The following SPOCK3 variants were observed in gnomAD, a reference collection of about 807,000 sequenced individuals.
SPOCK3 encodes SPARC (osteonectin), cwcv and kazal like domains proteoglycan 3.
SPOCK3 carries 30 observed loss-of-function variants against 56.6 expected under a neutral mutation model. The observed-to-expected ratio is 0.53, with a 90% CI of 0.40 to 0.72. The LOEUF is 0.72. Ranked by LOEUF, SPOCK3 falls within the 30% of genes least tolerant of loss-of-function variation. The pLI is 0.00. For synonymous variants in SPOCK3, 196 were observed against 183.3 expected (o/e 1.07, Z -0.56); for missense variants, 527 against 530.0 (o/e 0.99, Z 0.06).
At chr4:166,773,105 T>G (rs1739143105) in intron 7 of SPOCK3, among the ~76,000 whole-genome samples, 1 of 152,216 alleles carries the variant, frequency 6.6e-6, no homozygotes, top group Admixed American at 6.6e-5. Context: ...TCTTAAGGTT[T>G]CTGGCATTCC....
At chr4:167,064,582 A>G (rs1010738989) in intron 2 of SPOCK3, among the ~76,000 whole-genome samples, 1 of 151,738 alleles carries the variant, frequency 6.6e-6, no homozygotes, top group Non-Finnish European at 1.5e-5. Context: ...ATTCATTCCA[A>G]GCATGGGGAG....
intron 6 of SPOCK3, among the ~76,000 whole-genome samples, chr4:166,878,898 T>C (rs985402610): frequency 6.6e-6 from 1 of 152,182 alleles, no homozygotes; most frequent in African/African-American, 2.4e-5. Flanking sequence ...ATCCACATCC[T>C]AGGGCTTTGT....
chr4:167,199,694 A>AAT (rs575690834), intron 2 of SPOCK3, among the ~76,000 whole-genome samples: 9 of 141,636 alleles, frequency 6.4e-5, no homozygotes, highest in African/African-American at 2.1e-4. Flanking sequence ...TGTGTGAAAT[A>AAT]AATAATAATA....
intron 2 of SPOCK3, among the ~76,000 whole-genome samples, chr4:167,171,913 C>G (rs1730535199): frequency 6.6e-6 from 1 of 150,682 alleles, no homozygotes; most frequent in African/African-American, 2.4e-5. Context: ...ACCCCCCACT[C>G]CCCCCATAAT....
rs1448439615 is a variant in SPOCK3, at chr4:166,912,732, GCTT to G, written c.359_361del (p.Glu120del). Reference sequence around the variant, plus strand: ...CCTCCACTGCCTATGGTCTACTCCTGCTTCTTTCATCCTGTTAAAAAAATAAAG... The same window carrying G: ...CCTCCACTGCCTATGGTCTACTCCTGCTTTCATCCTGTTAAAAAAATAAAG... On this transcript the variant is annotated inframe_deletion, in exon 5 of 11. Coordinates refer to ENST00000357545, the MANE Select transcript of SPOCK3 (RefSeq NM_001040159.2). 1.3e-6 allele frequency: 2 copies of G among 1,599,638 alleles called. No individual in the cohort carries two copies. Among genetic ancestry groups the G allele is most frequent in the Non-Finnish European group, 1.7e-6 (2 of 1,175,304 alleles).
intron 6 of SPOCK3, among the ~76,000 whole-genome samples, chr4:166,885,945 G>A (rs540397740): frequency 1.2e-3 from 187 of 152,240 alleles, no homozygotes; most frequent in African/African-American, 4.4e-3. Flanking sequence ...AAAGTTTACT[G>A]TGCTTATGTA....
At chr4:167,180,648 G>T (rs928818872) in intron 2 of SPOCK3, among the ~76,000 whole-genome samples, 1 of 152,118 alleles carries the variant, frequency 6.6e-6, no homozygotes, top group Non-Finnish European at 1.5e-5. Context: ...TCAATAACCT[G>T]GTTGGTGGTT....
intron 6 of SPOCK3, among the ~76,000 whole-genome samples, chr4:166,864,033 A>G (rs950111244): frequency 3.3e-5 from 5 of 152,184 alleles, no homozygotes; most frequent in Admixed American, 6.6e-5. Context: ...ACACAATTGG[A>G]AGTAAAACAC....
intron 8 of SPOCK3, among the ~76,000 whole-genome samples, chr4:166,746,919 C>T (rs1290065048): frequency 2.0e-5 from 3 of 152,084 alleles, no homozygotes; most frequent in Non-Finnish European, 4.4e-5. Flanking sequence ...ATACACCCTC[C>T]CAAGACTAAA....
intron 3 of SPOCK3, among the ~76,000 whole-genome samples, chr4:167,042,218 T>C (rs1753290343): frequency 6.6e-6 from 1 of 152,172 alleles, no homozygotes; most frequent in Non-Finnish European, 1.5e-5. Flanking sequence ...GGCCTCCTTA[T>C]CTATGAGTTT....
intron 2 of SPOCK3, among the ~76,000 whole-genome samples, chr4:167,163,166 A>ATT (rs560014140): frequency 0.022 from 2,823 of 127,840 alleles, 77 homozygotes; most frequent in African/African-American, 0.07. Flanking sequence ...TTGTTGGGGG[A>ATT]TTTTTTTTTT....
At chr4:167,078,369 T>TGTGTGTGTG (rs1580222176) in intron 2 of SPOCK3, among the ~76,000 whole-genome samples, 7 of 101,956 alleles carry the variant, frequency 6.9e-5, no homozygotes, top group South Asian at 6.3e-4. Context: ...TGTGTGTGTG[T>TGTGTGTGTG]TTGCAGAGGG....
At chr4:167,214,493 C>G (rs939430945) in intron 2 of SPOCK3, among the ~76,000 whole-genome samples, 4 of 152,058 alleles carry the variant, frequency 2.6e-5, no homozygotes, top group Admixed American at 6.6e-5. Flanking sequence ...ATGACTACAA[C>G]TTCACATTAC....
At chr4:167,030,368 G>A (rs750922801) in intron 3 of SPOCK3, among the ~76,000 whole-genome samples, 2 of 151,852 alleles carry the variant, frequency 1.3e-5, no homozygotes, top group Non-Finnish European at 2.9e-5. Flanking sequence ...ACCATATTTT[G>A]TTCAATTGCT....
intron 7 of SPOCK3, among the ~76,000 whole-genome samples, chr4:166,767,616 G>A (rs1738280098): frequency 6.6e-6 from 1 of 152,156 alleles, no homozygotes; most frequent in Non-Finnish European, 1.5e-5. Context: ...CAACTAAGTG[G>A]TGAATTTTGG....
intron 6 of SPOCK3, among the ~76,000 whole-genome samples, chr4:166,844,781 T>C (rs1435863778): frequency 6.6e-6 from 1 of 152,230 alleles, no homozygotes; most frequent in Non-Finnish European, 1.5e-5. Context: ...TCTATCTACC[T>C]GCCTACCTAC....
chr4:166,909,862 T>A (rs1274421404), intron 5 of SPOCK3, among the ~76,000 whole-genome samples: 1 of 152,144 alleles, frequency 6.6e-6, no homozygotes, highest in Non-Finnish European at 1.5e-5. Flanking sequence ...TTATCTATAT[T>A]CTATTTTCAA....
At chr4:166,784,854 G>T (rs1740570052) in intron 7 of SPOCK3, among the ~76,000 whole-genome samples, 1 of 152,066 alleles carries the variant, frequency 6.6e-6, no homozygotes, top group African/African-American at 2.4e-5. Context: ...ATCTTAGTCA[G>T]ACTCTGCTAA....
chr4:166,928,611 C>T (rs1739380001), intron 4 of SPOCK3, among the ~76,000 whole-genome samples: 1 of 152,138 alleles, frequency 6.6e-6, no homozygotes, highest in Admixed American at 6.5e-5. Flanking sequence ...ATGGTAGATA[C>T]ATGTCATTTT....
Sources: gnomAD v4.1 joint callset for allele counts (sites outside exome capture counted in the v4.1 genomes callset) on GRCh38, gnomAD v4.1.1 for gene constraint, MANE v1.5 for transcripts, NCBI Gene and HGNC (gene_info 2026-07-23, HGNC 2026-07-21) for gene names.